The following SGSH variants were observed in gnomAD, a reference collection of about 807,000 sequenced individuals.
The protein encoded by SGSH is N-sulfoglucosamine sulfohydrolase.
In SGSH, 48 loss-of-function variants were observed where a neutral mutation model predicts 51.0. The observed-to-expected ratio is 0.94, with a 90% confidence interval of 0.75 to 1.20. SGSH has a LOEUF of 1.20. Ranked by LOEUF, SGSH falls within the 50% of genes most tolerant of loss-of-function variation. SGSH has a pLI of 0.00. For missense variants in SGSH, 662 were observed against 717.8 expected, an observed-to-expected ratio of 0.92 and a Z score of 0.89; for synonymous variants, 321 against 313.4, an observed-to-expected ratio of 1.02 and a Z score of -0.26.
chr17:80,218,811 G>A lies in SGSH; in HGVS notation c.88+1415C>T, dbSNP rs572829921. Reference sequence around the variant, plus strand: ...TCTGGAGACAGGGTCCTTAATTAAGGGTAAATGAATCATAAGGATGAGATC... The same window carrying A: ...TCTGGAGACAGGGTCCTTAATTAAGAGTAAATGAATCATAAGGATGAGATC... On this transcript the variant is annotated intron_variant, in intron 1 of 7. Transcript: ENST00000326317. Among the ~76,000 whole-genome samples, 5 of 152,242 alleles carry A rather than the reference G, an allele frequency of 3.3e-5. No individual in the cohort carries two copies. The South Asian group carries it at 1.0e-3, about 32-fold the overall frequency.
chr17:80,210,249 G>A lies in SGSH; in HGVS notation c.*203C>T. 7.0e-7 allele frequency: 1 copy of A among 1,426,706 alleles called. No homozygotes were observed. The highest frequency in any genetic ancestry group is 1.5e-5 in the South Asian group (1 of 65,712). The allele number at this position is 1,426,706 out of a possible 1,614,324, so 88.4% of individuals were successfully genotyped here. ...CGGCAGTGCCCCTGGTGGTGGAGGG[G>A]CTGGGCACATGCTCTGGTCACATGC... On this transcript the variant is annotated 3_prime_UTR_variant, in exon 8 of 8. Coordinates refer to ENST00000326317, the MANE Select transcript of SGSH (RefSeq NM_000199.5).
In SGSH at chr17:80,213,668, G is replaced by A; in HGVS notation, c.745+136C>T. On this transcript the variant is annotated intron_variant, in intron 6 of 7. Coordinates refer to ENST00000326317, the MANE Select transcript of SGSH (RefSeq NM_000199.5). This position sits in a 1 kb window ranked among gnomAD's most constrained non-coding sequence, Gnocchi z 4.6. ...CCACAGGCCCCTCCTCTCAATGTGG[G>A]CTCTGCCAGCTGCAGCACAGGGCCT... The A allele has an allele frequency of 1.2e-6, 1 of 803,306 alleles. No homozygotes were observed. The highest frequency in any genetic ancestry group is 2.7e-5 in the East Asian group (1 of 37,292). The allele number at this position is 803,306 out of a possible 1,614,324, so 49.8% of individuals were successfully genotyped here. A position where few individuals can be genotyped will look rare whatever the true frequency, so the allele number is the denominator to read the frequency against.
In SGSH at chr17:80,212,040, C is replaced by T; in HGVS notation, c.949+31G>A. On this transcript the variant is annotated intron_variant, in intron 7 of 7. Transcript: ENST00000326317. This position sits in a 1 kb window ranked among gnomAD's most constrained non-coding sequence, Gnocchi z 5.9. ...GCCCCGTCCCAGATCCACTCCCACA[C>T]CTTTCCTGACGGAGACAGACAAAGG... The T allele has an allele frequency of 1.3e-6, 2 of 1,598,472 alleles. No homozygotes were observed. The highest frequency in any genetic ancestry group is 1.7e-6 in the Non-Finnish European group (2 of 1,166,784).
Position 80,210,486 on chromosome 17 carries a change from G to A in SGSH, c.1475C>T (p.Ser492Phe). ...ATTGTGGAGGGGCTGGCACTGGGGA[G>A]AGAGCTTCTCCTCCAGGACGCCGTC... Reference protein sequence around the residue: ...APDGVLEEKLSPQCQPLHNEL With the variant: ...APDGVLEEKLFPQCQPLHNEL The change falls in exon 8 of 8, where the codon TCT (serine) becomes TTT (phenylalanine). Residue 492 changes from serine to phenylalanine, a missense_variant. Physicochemically the swap from Ser to Phe is radical, Grantham distance 155. Transcript: ENST00000326317. 1.2e-6 allele frequency: 2 copies of A among 1,602,830 alleles called. No individual in the cohort carries two copies. Among genetic ancestry groups the A allele is most frequent in the South Asian group, 1.1e-5 (1 of 90,782 alleles).
At chr17:80,219,499 G>A (rs1421427368) in intron 1 of SGSH, among the ~76,000 whole-genome samples, 1 of 152,250 alleles carries the variant, frequency 6.6e-6, no homozygotes, top group Non-Finnish European at 1.5e-5. Context: ...CTGTGTTTCT[G>A]GGAGGCGAGG....
the SGSH span, chr17:80,200,969 C>T: frequency 1.3e-5 from 2 of 152,494 alleles, no homozygotes; most frequent in African/African-American, 2.4e-5. Context: ...CTCACTTGCC[C>T]ACCACGCCCC....
At chr17:80,211,119 TCAG>T in intron 7 of SGSH, 108 bp from the exon 8 acceptor site, 6 of 1,538,250 alleles carry the variant, frequency 3.9e-6, no homozygotes, top group Non-Finnish European at 5.2e-6. Flanking sequence ...TCCAATCCAA[TCAG>T]CAGCGGGAGG....
At chr17:80,220,112 G>C in intron 1 of SGSH, 114 bp downstream of exon 1, 6 of 676,448 alleles carry the variant, frequency 8.9e-6, no homozygotes, top group Non-Finnish European at 1.4e-5. Context: ...TGGCAGCGGG[G>C]GATACAAGGG....
At chr17:80,216,474 C>G (rs940151580) in intron 2 of SGSH, among the ~76,000 whole-genome samples, 3 of 152,150 alleles carry the variant, frequency 2.0e-5, no homozygotes, top group African/African-American at 7.2e-5. Context: ...TGGAAAAGTT[C>G]TGGAGATGGA....
At chr17:80,201,977 C>T, downstream of SGSH, 1 of 1,426,408 alleles carries the variant, frequency 7.0e-7, no homozygotes. The surrounding 1 kb of genome is among the most constrained non-coding windows in gnomAD (Gnocchi z 5.0). Context: ...CCCCCAGAGC[C>T]AAGAGAGGAT....
chr17:80,214,861 T>C, intron 3 of SGSH, 96 bp from the exon 4 acceptor site: 2 of 1,455,062 alleles, frequency 1.4e-6, no homozygotes, highest in South Asian at 1.2e-5. Context: ...CACTGTGGGT[T>C]CTCGTGGACA....
At chr17:80,217,516 T>C (rs182068375) in intron 1 of SGSH, among the ~76,000 whole-genome samples, 52 of 152,216 alleles carry the variant, frequency 3.4e-4, no homozygotes, top group African/African-American at 1.2e-3. Flanking sequence ...GAAGGCATGG[T>C]ACCTAGTAGG....
chr17:80,208,370 G>GT, downstream of SGSH: 2 of 1,548,938 alleles, frequency 1.3e-6, no homozygotes, highest in Non-Finnish European at 1.8e-6. Context: ...TCCCGGGACT[G>GT]TGGGGGCTTC....
chr17:80,203,944 G>C, downstream of SGSH: 4 of 1,396,894 alleles, frequency 2.9e-6, no homozygotes, highest in South Asian at 5.0e-5. This position sits in a 1 kb window ranked among gnomAD's most constrained non-coding sequence, Gnocchi z 4.6. Flanking sequence ...GGGGCTCGGT[G>C]CTGGCAGGGT....
At chr17:80,207,175 G>A (rs549912317), downstream of SGSH, 315 of 868,548 alleles carry the variant, frequency 3.6e-4, no homozygotes, top group Admixed American at 1.8e-3. Context: ...AGTGTGCTCT[G>A]CGGTTTGCAG....
chr17:80,206,787 TA>T (rs1443432661), downstream of SGSH: 5 of 414,670 alleles, frequency 1.2e-5, no homozygotes, highest in South Asian at 6.7e-5. Flanking sequence ...AAAATAAAAA[TA>T]AAAAAAAGAG....
At chr17:80,214,993 T>C (rs531716227) in intron 3 of SGSH, 40 bp downstream of exon 3, 1 of 1,554,664 alleles carries the variant, frequency 6.4e-7, no homozygotes, top group African/African-American at 1.4e-5. Context: ...CTGGCCTCTG[T>C]GCCTCACCCC....
chr17:80,210,596 C>T lies in SGSH; in HGVS notation c.1365G>A (p.Pro455=), dbSNP rs750709138. The stretch of plus-strand genomic sequence containing the variant: ...GCATCTCCAGAAGCTGAGCAAAGCG[C>T]GGGTCGGTGGCCAGGTTCTGGGTCT... The part of the protein sequence containing the change: ...PHETQNLATD[P]RFAQLLEMLR... The change falls in exon 8 of 8, where the codon CCG becomes CCA. Residue 455 remains proline, a synonymous_variant. Transcript: ENST00000326317. 3.3e-5 allele frequency: 53 copies of T among 1,613,324 alleles called. 1 individual carries two copies. Among genetic ancestry groups the T allele is most frequent in the South Asian group, 2.3e-4 (21 of 91,054 alleles).
intron 4 of SGSH, 91 bp from the exon 5 acceptor site, chr17:80,214,419 G>C: frequency 6.9e-7 from 1 of 1,455,514 alleles, no homozygotes. Flanking sequence ...TCTGTATCTG[G>C]AAGTCAACCT....
Sources: gnomAD v4.1 joint callset for allele counts (sites outside exome capture counted in the v4.1 genomes callset) on GRCh38, gnomAD v4.1.1 for gene constraint, Gnocchi (gnomAD v3.1) non-coding constraint, MANE v1.5 for transcripts, NCBI Gene and HGNC (gene_info 2026-07-23, HGNC 2026-07-21) for gene names.